RNLS: variants seen among roughly 807,000 people sequenced by gnomAD.
RNLS encodes renalase, FAD dependent amine oxidase, also known as renalase.
Under a neutral mutation model 39.8 loss-of-function variants are expected in RNLS, and 39 were observed. The ratio of observed to expected loss-of-function variants is 0.98; its 90% CI spans 0.76 to 1.28. The LOEUF (loss-of-function observed/expected upper bound fraction) is 1.28. Among genes scored for constraint, RNLS ranks in the 50% most tolerant of loss-of-function variants. The probability of loss-of-function intolerance (pLI) is 0.00; values close to 1 mark genes in which losing one functional copy is unlikely to be tolerated. For synonymous variants in RNLS, 147 were observed against 150.7 expected, an observed-to-expected ratio of 0.98 and a Z score of 0.18; for missense variants, 410 against 413.3, an observed-to-expected ratio of 0.99 and a Z score of 0.07.
At chr10:88,434,284 A>G (rs1226027271) in intron 4 of RNLS, among the ~76,000 whole-genome samples, 1 of 152,260 alleles carries the variant, frequency 6.6e-6, no homozygotes, top group East Asian at 1.9e-4. Context: ...CCAACAGTGT[A>G]AGGGTGTGTG....
intron 4 of RNLS, among the ~76,000 whole-genome samples, chr10:88,546,301 T>C (rs981175066): frequency 2.6e-5 from 4 of 152,060 alleles, no homozygotes; most frequent in Non-Finnish European, 1.5e-5. Flanking sequence ...ATTTTGTAAA[T>C]GTAAGAGTAT....
At chr10:88,402,802 G>A (rs541020253) in intron 4 of RNLS, among the ~76,000 whole-genome samples, 14 of 152,080 alleles carry the variant, frequency 9.2e-5, no homozygotes, top group South Asian at 2.1e-4. Context: ...AAGCAGTTAC[G>A]AATGAGATAT....
At chr10:88,582,158 C>A in intron 2 of RNLS, 44 bp downstream of exon 2, 2 of 1,467,258 alleles carry the variant, frequency 1.4e-6, no homozygotes, top group South Asian at 2.3e-5. Context: ...CCTATGACAT[C>A]ACACAACTGC....
Position 88,510,276 on chromosome 10 carries a change from GA to G in RNLS, c.526+62626del, listed in dbSNP as rs917075263. ...GACTCCACATTTTAAAACATTTAAAGAAAAAAAAAATGAGGCAGATAATTCT... is the reference window on the plus strand; with the variant it reads ...GACTCCACATTTTAAAACATTTAAAGAAAAAAAAATGAGGCAGATAATTCT... On this transcript the variant is annotated intron_variant, in intron 4 of 6. Transcript: ENST00000331772. 3.4e-3 allele frequency among the ~76,000 whole-genome samples: 495 copies of G among 146,558 alleles called. 2 individuals are homozygous for G. The highest frequency in any genetic ancestry group is 9.6e-3 in the African/African-American group (386 of 40,060).
At chr10:88,259,589 C>G in the RNLS span, among the ~76,000 whole-genome samples, 1 of 152,212 alleles carries the variant, frequency 6.6e-6, no homozygotes, top group African/African-American at 2.4e-5. Context: ...TCACTGCACT[C>G]TCACGCATAG....
At chr10:88,318,133 G>A (rs982019444) in intron 5 of RNLS, among the ~76,000 whole-genome samples, 1 of 152,176 alleles carries the variant, frequency 6.6e-6, no homozygotes, top group African/African-American at 2.4e-5. Context: ...ACACTGCCCT[G>A]CCCAGGGAAT....
At chr10:88,480,314 C>T (rs1193910746) in intron 4 of RNLS, among the ~76,000 whole-genome samples, 1 of 152,224 alleles carries the variant, frequency 6.6e-6, no homozygotes, top group Non-Finnish European at 1.5e-5. Context: ...CTGATAATTA[C>T]CCCTTAGGGG....
At chr10:88,272,743 G>T (rs1312754211), downstream of RNLS, among the ~76,000 whole-genome samples, 1 of 152,084 alleles carries the variant, frequency 6.6e-6, no homozygotes, top group Non-Finnish European at 1.5e-5. Context: ...CTATACTGTT[G>T]TCTTCGTTTT....
the RNLS span, among the ~76,000 whole-genome samples, chr10:88,258,736 G>A: frequency 6.6e-6 from 1 of 152,192 alleles, no homozygotes; most frequent in African/African-American, 2.4e-5. Context: ...CCTAAAAGCT[G>A]CCATCAGGTC....
intron 4 of RNLS, among the ~76,000 whole-genome samples, chr10:88,492,215 T>C (rs1355283787): frequency 1.3e-5 from 2 of 152,066 alleles, no homozygotes; most frequent in Non-Finnish European, 2.9e-5. Flanking sequence ...CTTTAGAGCA[T>C]TTCCTAGGAT....
At chr10:88,330,616 TAGAA>T (rs1327819305) in intron 5 of RNLS, among the ~76,000 whole-genome samples, 1 of 152,146 alleles carries the variant, frequency 6.6e-6, no homozygotes, top group Non-Finnish European at 1.5e-5. Flanking sequence ...GTATAATTAT[TAGAA>T]AGAAGGAAAA....
At chr10:88,416,638 T>A (rs1052459989) in intron 4 of RNLS, among the ~76,000 whole-genome samples, 3 of 152,196 alleles carry the variant, frequency 2.0e-5, no homozygotes, top group African/African-American at 7.2e-5. Context: ...TTTCTTCAAA[T>A]GTTTTACAAT....
At chr10:88,240,137 T>C in the RNLS span, among the ~76,000 whole-genome samples, 2 of 152,238 alleles carry the variant, frequency 1.3e-5, no homozygotes, top group African/African-American at 4.8e-5. Context: ...ACATTGCCAT[T>C]ATTAGGCAAT....
chr10:88,450,249 G>T (rs1181478779), intron 4 of RNLS, among the ~76,000 whole-genome samples: 1 of 152,178 alleles, frequency 6.6e-6, no homozygotes, highest in Non-Finnish European at 1.5e-5. Context: ...CCTGCTCTCT[G>T]TCTCCCACTC....
At chr10:88,282,135 C>T (rs1369431240), downstream of RNLS, among the ~76,000 whole-genome samples, 1 of 152,068 alleles carries the variant, frequency 6.6e-6, no homozygotes, top group East Asian at 1.9e-4. Flanking sequence ...AATCACTTAG[C>T]CAGTACTTAC....
At chr10:88,440,846 T>G (rs1012840355) in intron 4 of RNLS, among the ~76,000 whole-genome samples, 3 of 152,194 alleles carry the variant, frequency 2.0e-5, no homozygotes, top group African/African-American at 7.2e-5. Context: ...TCCCTGGCAC[T>G]AGTTAGTGTC....
chr10:88,362,590 AT>A lies in RNLS; in HGVS notation c.661del (p.Ile221TyrfsTer13), dbSNP rs768257102. The A allele has an allele frequency of 1.9e-6, 3 of 1,613,796 alleles. No individual in the cohort carries two copies. Among genetic ancestry groups the A allele is most frequent in the Admixed American group, 3.3e-5 (2 of 59,926 alleles). On this transcript the variant is annotated frameshift_variant, in exon 5 of 7. Coordinates refer to ENST00000331772, the MANE Select transcript of RNLS (RefSeq NM_001031709.3). LOFTEE classifies it high-confidence loss of function. Reference protein sequence around the residue: ...AGQYITSNPCIRFVSIDNKKR... With the variant: ...AGQYITSNPCXRFVSIDNKKR... ...CTTATTATCAATGGAGACGAAGCGT[AT>A]GCAGGGATTACTGGTGATGTACTGC...
chr10:88,429,757 T>TA (rs1215598732), intron 4 of RNLS, among the ~76,000 whole-genome samples: 1 of 151,876 alleles, frequency 6.6e-6, no homozygotes, highest in African/African-American at 2.4e-5. Context: ...TTCATGCATA[T>TA]AGCCTTCCAA....
At chr10:88,376,448 C>T (rs1422580361) in intron 4 of RNLS, among the ~76,000 whole-genome samples, 1 of 152,112 alleles carries the variant, frequency 6.6e-6, no homozygotes, top group African/African-American at 2.4e-5. Flanking sequence ...GAGTCAATGT[C>T]GCTTTGAGAA....
Sources: allele counts gnomAD v4.1 joint callset (sites outside exome capture counted in the v4.1 genomes callset), GRCh38; gene constraint gnomAD v4.1.1; transcripts MANE v1.5; gene names NCBI Gene and HGNC (gene_info 2026-07-23, HGNC 2026-07-21).